The following DSTYK variants were observed in gnomAD, a reference collection of about 807,000 sequenced individuals.
The protein encoded by DSTYK is dual serine/threonine and tyrosine protein kinase.
In DSTYK, 34 loss-of-function variants were observed where a neutral mutation model predicts 98.7. The observed-to-expected ratio is 0.34, with a 90% CI of 0.26 to 0.46. The LOEUF is 0.46. Among genes scored for constraint, DSTYK ranks in the 20% least tolerant of loss-of-function variants. DSTYK has a pLI of 1.00. For synonymous variants in DSTYK, 462 were observed against 457.3 expected (o/e 1.01, Z -0.13); for missense variants, 962 against 1,181.7 (o/e 0.81, Z 2.73).
At chr1:205,159,852 G>A (rs937752420) in intron 8 of DSTYK, among the ~76,000 whole-genome samples, 173 bp from the exon 9 acceptor site, 2 of 152,170 alleles carry the variant, frequency 1.3e-5, no homozygotes, top group Non-Finnish European at 2.9e-5. Flanking sequence ...CTTCAACAAG[G>A]ATGAAGAATC....
At chr1:205,160,756 A>T (rs1657694299) in intron 7 of DSTYK, among the ~76,000 whole-genome samples, 1 of 151,606 alleles carries the variant, frequency 6.6e-6, no homozygotes, top group Admixed American at 6.6e-5. Flanking sequence ...AATTCAAATA[A>T]ACTGTGGTTA....
intron 9 of DSTYK, 50 bp downstream of exon 9, chr1:205,159,497 G>C: frequency 6.4e-7 from 1 of 1,574,204 alleles, no homozygotes; most frequent in Non-Finnish European, 8.6e-7. Context: ...TGAGTGGCCA[G>C]AAAGGAACCC....
intron 1 of DSTYK, among the ~76,000 whole-genome samples, chr1:205,204,381 C>T (rs1009419584): frequency 1.3e-5 from 2 of 151,796 alleles, no homozygotes; most frequent in Admixed American, 6.6e-5. Context: ...CTGTTCTGTC[C>T]CACATTCCAT....
At chr1:205,197,908 C>G (rs1180478962) in intron 1 of DSTYK, among the ~76,000 whole-genome samples, 1 of 152,134 alleles carries the variant, frequency 6.6e-6, no homozygotes, top group Non-Finnish European at 1.5e-5. Flanking sequence ...TAAGAAACCA[C>G]GAAGGCCGGG....
chr1:205,202,879 T>C, intron 1 of DSTYK: 1 of 334,986 alleles, frequency 3.0e-6, no homozygotes, highest in South Asian at 4.2e-5. Flanking sequence ...CATATTCCCC[T>C]TTATTTCTGT....
chr1:205,151,442 A>G (rs1175505442), intron 10 of DSTYK, among the ~76,000 whole-genome samples: 2 of 152,154 alleles, frequency 1.3e-5, no homozygotes, highest in African/African-American at 4.8e-5. Context: ...CACACATTGT[A>G]TAGCTGTACA....
At chr1:205,198,708 T>G (rs1307684377) in intron 1 of DSTYK, among the ~76,000 whole-genome samples, 1 of 152,142 alleles carries the variant, frequency 6.6e-6, no homozygotes, top group Non-Finnish European at 1.5e-5. Flanking sequence ...TCTGGCAAGT[T>G]TGACTTGATT....
At position 205,146,573 on chromosome 1, in the gene DSTYK, AT is replaced by A. The variant is rs146051023; in HGVS notation, c.*984del. 0.02 allele frequency: 2,700 copies of A among 138,064 alleles called. 21 individuals carry two copies. The highest frequency in any genetic ancestry group is 0.089 in the Middle Eastern group (24 of 270). The allele number at this position is 138,064 out of a possible 1,614,324, so 8.6% of individuals were successfully genotyped here. ...ACACAAATATATGCATACACATTCT[AT>A]TTTTTTTTTTTTTTTGAGACAGAGT... On this transcript the variant is annotated 3_prime_UTR_variant, in exon 13 of 13. Transcript: ENST00000367162.
At chr1:205,177,143 G>A (rs1230148347) in intron 2 of DSTYK, among the ~76,000 whole-genome samples, 2 of 152,148 alleles carry the variant, frequency 1.3e-5, no homozygotes, top group Non-Finnish European at 2.9e-5. Flanking sequence ...GGAAGTTGAG[G>A]TTACAGTGAG....
chr1:205,151,474 T>C (rs1657401110), intron 10 of DSTYK, among the ~76,000 whole-genome samples: 1 of 152,114 alleles, frequency 6.6e-6, no homozygotes, highest in South Asian at 2.1e-4. Flanking sequence ...TTTTTGTTGT[T>C]GTTGTTGTTG....
chr1:205,188,385 G>A (rs1001930857), intron 1 of DSTYK, among the ~76,000 whole-genome samples: 1 of 152,148 alleles, frequency 6.6e-6, no homozygotes, highest in Non-Finnish European at 1.5e-5. Context: ...TAGGTGGTAT[G>A]GGTATAGCCT....
chr1:205,189,441 C>A (rs1658649201), intron 1 of DSTYK, among the ~76,000 whole-genome samples: 1 of 152,192 alleles, frequency 6.6e-6, no homozygotes. Context: ...AAGGGCCAAT[C>A]CTTGAGCCAA....
chr1:205,198,417 C>T lies in DSTYK; in HGVS notation c.266-10611G>A, dbSNP rs867691308. Among the ~76,000 whole-genome samples, 5 of 152,256 alleles carry T rather than the reference C, an allele frequency of 3.3e-5. No homozygotes were observed. In the South Asian group the frequency reaches 1.0e-3, roughly 32 times the overall value. ...GAACCAGAAGAGCATGTCAGTTGTT[C>T]AATCAGGAGAAAGTGAAAGAGGTTT... On this transcript the variant is annotated intron_variant, in intron 1 of 12. Coordinates refer to ENST00000367162, the MANE Select transcript of DSTYK (RefSeq NM_015375.3).
chr1:205,205,254 C>T (rs1659164540), intron 1 of DSTYK, among the ~76,000 whole-genome samples: 2 of 152,086 alleles, frequency 1.3e-5, no homozygotes, highest in Non-Finnish European at 2.9e-5. Flanking sequence ...TGTCACTGTG[C>T]TCCACCTCAC....
At position 205,206,668 on chromosome 1, in the gene DSTYK, C is replaced by T. The variant is rs181712837; in HGVS notation, c.265+4603G>A. 2.6e-5 allele frequency among the ~76,000 whole-genome samples: 4 copies of T among 151,084 alleles called. No individual in the cohort carries two copies. In the East Asian group the frequency reaches 7.8e-4, roughly 30 times the overall value. Reference sequence around the variant, plus strand: ...GGCAATCTCGACTCACTGCAACCTCCGCCTCCCAGATTCAAGCGATTCTCC... The same window carrying T: ...GGCAATCTCGACTCACTGCAACCTCTGCCTCCCAGATTCAAGCGATTCTCC... On this transcript the variant is annotated intron_variant, in intron 1 of 12. Transcript: ENST00000367162.
intron 11 of DSTYK, among the ~76,000 whole-genome samples, chr1:205,149,709 T>C (rs1405146598): frequency 6.6e-6 from 1 of 152,206 alleles, no homozygotes; most frequent in African/African-American, 2.4e-5. Flanking sequence ...ATCAACATTT[T>C]CCTCTGTCCC....
intron 1 of DSTYK, among the ~76,000 whole-genome samples, chr1:205,200,526 T>C (rs569686581): frequency 1.3e-5 from 2 of 152,334 alleles, no homozygotes; most frequent in East Asian, 3.9e-4. Context: ...CCATATGCCC[T>C]ACACTCCTAC....
In DSTYK at chr1:205,163,138, G is replaced by C. The variant is rs1657782086; in HGVS notation, c.1558-132C>G. 1.1e-4 allele frequency: 80 copies of C among 722,222 alleles called. 2 individuals carry two copies. In the South Asian group the frequency reaches 1.3e-3, roughly 11 times the overall value. 44.7% of individuals were successfully genotyped at this position (722,222 alleles called of 1,614,324 possible). On this transcript the variant is annotated intron_variant, in intron 4 of 12. Coordinates refer to ENST00000367162, the MANE Select transcript of DSTYK (RefSeq NM_015375.3). ...AAACTTACCCCTCAATATATATGCA[G>C]AGTCAACTTAAGCTGATTATTTATT...
At chr1:205,159,737 T>C in intron 8 of DSTYK, 58 bp from the exon 9 acceptor site, 1 of 1,603,706 alleles carries the variant, frequency 6.2e-7, no homozygotes, top group African/African-American at 1.3e-5. Context: ...CTGCATGCCA[T>C]GCCACAATGT....
Sources: gnomAD v4.1 joint callset for allele counts (sites outside exome capture counted in the v4.1 genomes callset) on GRCh38, gnomAD v4.1.1 for gene constraint, MANE v1.5 for transcripts, NCBI Gene and HGNC (gene_info 2026-07-23, HGNC 2026-07-21) for gene names.